The following FRMD4B variants were observed in gnomAD, a reference collection of about 807,000 sequenced individuals.
FRMD4B encodes FERM domain containing 4B, also known as FERM domain-containing protein 4B.
Under a neutral mutation model 141.5 loss-of-function variants are expected in FRMD4B, and 74 were observed. The ratio of observed to expected loss-of-function variants is 0.52; its 90% CI spans 0.43 to 0.63. The LOEUF (loss-of-function observed/expected upper bound fraction) is 0.63. FRMD4B is among the 30% of genes least tolerant of loss of function. The pLI is 0.00. For missense variants in FRMD4B, 1,366 were observed against 1,253.4 expected, an observed-to-expected ratio of 1.09 and a Z score of -1.36; for synonymous variants, 506 against 467.9, an observed-to-expected ratio of 1.08 and a Z score of -1.05.
intron 1 of FRMD4B, among the ~76,000 whole-genome samples, chr3:69,486,748 A>G (rs1346395073): frequency 4.6e-5 from 7 of 152,200 alleles, no homozygotes; most frequent in East Asian, 3.8e-4. Flanking sequence ...AACACTGAAG[A>G]GATTAGTTTG....
chr3:69,491,107 A>G (rs1706295301), intron 1 of FRMD4B, among the ~76,000 whole-genome samples: 1 of 152,226 alleles, frequency 6.6e-6, no homozygotes. Context: ...GGAAAGAGAG[A>G]AAAGCAACAA....
intron 5 of FRMD4B, among the ~76,000 whole-genome samples, chr3:69,265,036 A>G (rs986677564): frequency 1.3e-5 from 2 of 151,712 alleles, no homozygotes; most frequent in Admixed American, 6.6e-5. Context: ...CAGGCGGATC[A>G]TGAGGTCAGG....
chr3:69,471,573 T>C, intron 1 of FRMD4B: 1 of 232,566 alleles, frequency 4.3e-6, no homozygotes, highest in Non-Finnish European at 8.9e-6. Flanking sequence ...ATCTCAAACT[T>C]AATTGTTCAT....
chr3:69,262,797 T>C (rs997563410), intron 5 of FRMD4B, among the ~76,000 whole-genome samples: 1 of 152,048 alleles, frequency 6.6e-6, no homozygotes, highest in African/African-American at 2.4e-5. Flanking sequence ...TACTATATAC[T>C]ACTATTCAGC....
At chr3:69,438,134 C>T (rs1280055904) in intron 1 of FRMD4B, among the ~76,000 whole-genome samples, 2 of 149,554 alleles carry the variant, frequency 1.3e-5, no homozygotes, top group Non-Finnish European at 3.0e-5. Context: ...GATAGGGTCT[C>T]GCCCTGTCAC....
At chr3:69,221,504 C>T (rs1211076813) in intron 9 of FRMD4B, among the ~76,000 whole-genome samples, 1 of 152,088 alleles carries the variant, frequency 6.6e-6, no homozygotes, top group Non-Finnish European at 1.5e-5. Context: ...ATCTGAATTT[C>T]CAGCTTCTCC....
At chr3:69,375,254 TCCACC>T (rs1703939696) in intron 1 of FRMD4B, among the ~76,000 whole-genome samples, 1,212 of 44,532 alleles carry the variant, frequency 0.027, 6 homozygotes, top group African/African-American at 0.047. Flanking sequence ...CATCCATCCA[TCCACC>T]CCATCCCATC....
At chr3:69,332,961 C>A (rs1210987217) in intron 1 of FRMD4B, among the ~76,000 whole-genome samples, 1 of 152,058 alleles carries the variant, frequency 6.6e-6, no homozygotes, top group Non-Finnish European at 1.5e-5. Flanking sequence ...TAAAAAATAT[C>A]AAGCTAAAAT....
intron 2 of FRMD4B, among the ~76,000 whole-genome samples, chr3:69,406,487 C>T (rs1331177720): frequency 6.6e-6 from 1 of 152,180 alleles, no homozygotes; most frequent in Non-Finnish European, 1.5e-5. Flanking sequence ...AATAGCCTTG[C>T]CACATTTCCA....
chr3:69,245,668 T>C (rs1348591762), intron 7 of FRMD4B, among the ~76,000 whole-genome samples: 1 of 145,728 alleles, frequency 6.9e-6, no homozygotes, highest in African/African-American at 2.6e-5. Flanking sequence ...TCTTTTCTTT[T>C]TTTTTTTTTT....
At chr3:69,510,019 T>C (rs1382310101) in intron 1 of FRMD4B, among the ~76,000 whole-genome samples, 2 of 151,744 alleles carry the variant, frequency 1.3e-5, no homozygotes, top group Non-Finnish European at 2.9e-5. Flanking sequence ...TTGATTGCAA[T>C]ATTTAACACT....
chr3:69,241,907 C>A (rs1270233619), intron 7 of FRMD4B, among the ~76,000 whole-genome samples: 1 of 151,574 alleles, frequency 6.6e-6, no homozygotes. Context: ...AAAAAAACCC[C>A]CAAAAAACAA....
chr3:69,362,705 C>A (rs1383738083), intron 1 of FRMD4B, among the ~76,000 whole-genome samples: 1 of 149,782 alleles, frequency 6.7e-6, no homozygotes, highest in East Asian at 2.0e-4. Flanking sequence ...AGCCAACCCC[C>A]CCCCCAAAAA....
At chr3:69,465,904 C>A (rs986379796) in intron 1 of FRMD4B, among the ~76,000 whole-genome samples, 4 of 152,178 alleles carry the variant, frequency 2.6e-5, no homozygotes, top group South Asian at 2.1e-4. Flanking sequence ...TGGGTATACA[C>A]CCCGTAATGG....
intron 4 of FRMD4B, among the ~76,000 whole-genome samples, chr3:69,296,408 G>A (rs539600152): frequency 6.6e-5 from 10 of 151,980 alleles, no homozygotes; most frequent in Non-Finnish European, 1.5e-4. Flanking sequence ...TGAGGATTCC[G>A]TGTCTTTCTT....
chr3:69,223,090 G>A (rs1364216681), intron 8 of FRMD4B, among the ~76,000 whole-genome samples: 1 of 152,168 alleles, frequency 6.6e-6, no homozygotes, highest in African/African-American at 2.4e-5. Flanking sequence ...TGTTGCTTTA[G>A]GAGAAAACCC....
At chr3:69,405,337 C>A (rs11719528) in intron 2 of FRMD4B, among the ~76,000 whole-genome samples, 3 of 152,096 alleles carry the variant, frequency 2.0e-5, no homozygotes, top group Non-Finnish European at 2.9e-5. Flanking sequence ...GAGAGCTCTT[C>A]GCTGCTAGCT....
intron 2 of FRMD4B, among the ~76,000 whole-genome samples, chr3:69,406,922 T>TC (rs933958716): frequency 3.3e-5 from 5 of 150,584 alleles, no homozygotes; most frequent in African/African-American, 1.2e-4. Context: ...TTTTTTTTTT[T>TC]TTTTTGTAGA....
chr3:69,528,215 C>T lies in FRMD4B; in HGVS notation c.-129+13991G>A, dbSNP rs542646048. 5.8e-4 allele frequency among the ~76,000 whole-genome samples: 88 copies of T among 152,146 alleles called. 2 individuals carry two copies. The highest frequency in any genetic ancestry group is 1.6e-3 in the African/African-American group (67 of 41,532). ...TGGGACTCAATGGCAAGGACTATGACGACTATGGGTTTCCTTCCCTCCCTC... is the reference window on the plus strand; with the variant it reads ...TGGGACTCAATGGCAAGGACTATGATGACTATGGGTTTCCTTCCCTCCCTC... On this transcript the variant is annotated intron_variant, in intron 1 of 5. Coordinates refer to the FRMD4B transcript ENST00000459638.
Sources: gnomAD v4.1 joint callset for allele counts (sites outside exome capture counted in the v4.1 genomes callset) on GRCh38, gnomAD v4.1.1 for gene constraint, MANE v1.5 for transcripts, NCBI Gene and HGNC (gene_info 2026-07-23, HGNC 2026-07-21) for gene names.